CCBE1: variants seen among roughly 807,000 people sequenced by gnomAD.
CCBE1 encodes the protein collagen and calcium-binding EGF domain-containing protein 1.
CCBE1 carries 37 observed loss-of-function variants against 50.0 expected under a neutral mutation model. The ratio of observed to expected loss-of-function variants is 0.74; its 90% CI spans 0.57 to 0.97. The LOEUF is 0.97. Among genes scored for constraint, CCBE1 ranks in the 50% least tolerant of loss-of-function variants. The pLI, the probability that CCBE1 is intolerant of heterozygous loss-of-function variation, is 0.00. For synonymous variants in CCBE1, 234 were observed against 203.7 expected, an observed-to-expected ratio of 1.15 and a Z score of -1.27; for missense variants, 538 against 523.8, an observed-to-expected ratio of 1.03 and a Z score of -0.26.
intron 7 of CCBE1, among the ~76,000 whole-genome samples, chr18:59,442,258 T>C (rs1209342243): frequency 1.3e-5 from 2 of 152,136 alleles, no homozygotes; most frequent in Non-Finnish European, 2.9e-5. Flanking sequence ...TTAAACTCGG[T>C]ATAGTCTCAG....
chr18:59,508,575 CAA>C (rs1913987194), intron 2 of CCBE1, among the ~76,000 whole-genome samples: 14 of 151,066 alleles, frequency 9.3e-5, no homozygotes, highest in Admixed American at 9.2e-4. Context: ...CTAGCCTGGG[CAA>C]AAGAGTGAGA....
At chr18:59,632,843 G>A (rs575609937) in intron 2 of CCBE1, among the ~76,000 whole-genome samples, 4 of 151,982 alleles carry the variant, frequency 2.6e-5, no homozygotes, top group Non-Finnish European at 1.5e-5. Flanking sequence ...TCCTGACCTC[G>A]GGTGATCCAC....
At chr18:59,591,321 C>T (rs562496511) in intron 2 of CCBE1, among the ~76,000 whole-genome samples, 1 of 134,776 alleles carries the variant, frequency 7.4e-6, no homozygotes, top group African/African-American at 2.6e-5. Context: ...CCAGATGCAA[C>T]TGTTAAAAAG....
intron 2 of CCBE1, among the ~76,000 whole-genome samples, chr18:59,497,990 G>T (rs144108216): frequency 4.8e-4 from 73 of 152,314 alleles, no homozygotes; most frequent in African/African-American, 1.6e-3. Flanking sequence ...ATAGGGTCTG[G>T]AGAGACCAGA....
At chr18:59,542,558 G>A (rs1915511149) in intron 2 of CCBE1, among the ~76,000 whole-genome samples, 1 of 152,194 alleles carries the variant, frequency 6.6e-6, no homozygotes, top group Non-Finnish European at 1.5e-5. Context: ...TGATAAGAAA[G>A]TCATCCTTAA....
intron 2 of CCBE1, among the ~76,000 whole-genome samples, chr18:59,601,636 G>C (rs1446355104): frequency 1.3e-5 from 2 of 152,282 alleles, no homozygotes; most frequent in East Asian, 3.9e-4. Flanking sequence ...GAGCTCAAGT[G>C]AACCACCCAC....
intron 2 of CCBE1, among the ~76,000 whole-genome samples, chr18:59,654,597 C>A (rs147397983): frequency 0.026 from 3,893 of 152,120 alleles, 181 homozygotes; most frequent in African/African-American, 0.089. Flanking sequence ...GTACTCCAGC[C>A]TGGGTGACAG....
At chr18:59,591,647 G>A (rs573234137) in intron 2 of CCBE1, among the ~76,000 whole-genome samples, 4 of 152,230 alleles carry the variant, frequency 2.6e-5, no homozygotes, top group South Asian at 2.1e-4. Context: ...GAAAGAGCTC[G>A]AAAACACTCT....
At chr18:59,526,476 A>G (rs1202404107) in intron 2 of CCBE1, among the ~76,000 whole-genome samples, 2 of 151,488 alleles carry the variant, frequency 1.3e-5, no homozygotes, top group African/African-American at 4.9e-5. Flanking sequence ...TGCCTAGCTA[A>G]TTTTCTTTAT....
chr18:59,478,001 A>T (rs930622194), intron 3 of CCBE1, among the ~76,000 whole-genome samples: 15 of 152,152 alleles, frequency 9.9e-5, no homozygotes, highest in Admixed American at 9.2e-4. Context: ...TGAAATCAGT[A>T]GACTTTGAGT....
chr18:59,631,636 A>G (rs558052285), intron 2 of CCBE1, among the ~76,000 whole-genome samples: 1 of 152,364 alleles, frequency 6.6e-6, no homozygotes, highest in Non-Finnish European at 1.5e-5. Flanking sequence ...ATGTGAGAGC[A>G]GCATGGTTCA....
At chr18:59,656,888 T>C (rs1452980157) in intron 2 of CCBE1, among the ~76,000 whole-genome samples, 1 of 152,214 alleles carries the variant, frequency 6.6e-6, no homozygotes, top group Non-Finnish European at 1.5e-5. Flanking sequence ...CATTGTAATC[T>C]GCCATTAGCT....
chr18:59,464,701 G>A (rs1911659001), intron 5 of CCBE1, among the ~76,000 whole-genome samples: 1 of 152,226 alleles, frequency 6.6e-6, no homozygotes, highest in Non-Finnish European at 1.5e-5. Context: ...TTGCTTGTCA[G>A]AATTTCACTT....
chr18:59,448,162 T>C (rs758520552), intron 6 of CCBE1, 59 bp from the exon 7 acceptor site: 273 of 1,608,884 alleles, frequency 1.7e-4, no homozygotes, highest in Non-Finnish European at 2.2e-4. Context: ...GCCTCGGCAT[T>C]TGTCTTGGTG....
chr18:59,508,040 A>T (rs894492324), intron 2 of CCBE1, among the ~76,000 whole-genome samples: 7 of 151,780 alleles, frequency 4.6e-5, no homozygotes, highest in Non-Finnish European at 8.8e-5. Flanking sequence ...ACAGGGAAGC[A>T]AGCACCACAC....
At chr18:59,489,273 C>T (rs952793669) in intron 2 of CCBE1, among the ~76,000 whole-genome samples, 1 of 152,240 alleles carries the variant, frequency 6.6e-6, no homozygotes, top group Non-Finnish European at 1.5e-5. Flanking sequence ...ACAGTCCTCT[C>T]TATCTCCCTG....
chr18:59,518,491 T>C (rs551038908), intron 2 of CCBE1, among the ~76,000 whole-genome samples: 1 of 152,312 alleles, frequency 6.6e-6, no homozygotes, highest in South Asian at 2.1e-4. Context: ...AATCAATTGT[T>C]TGTTAATGGA....
chr18:59,486,432 G>A (rs767366000), intron 2 of CCBE1, among the ~76,000 whole-genome samples: 2 of 152,118 alleles, frequency 1.3e-5, no homozygotes, highest in South Asian at 2.1e-4. Context: ...TCAAGAGGCC[G>A]GAAAAGAAAT....
At position 59,654,368 on chromosome 18, in the gene CCBE1, G is replaced by A. The variant is rs529339654; in HGVS notation, c.212+42261C>T. Among the ~76,000 whole-genome samples, 17 of 152,338 alleles carry A rather than the reference G, an allele frequency of 1.1e-4. No individual in the cohort carries two copies. The East Asian group carries it at 1.9e-3, about 17-fold the overall frequency. ...AAAAACAGCCCAGAGAATCATGCCC[G>A]TAATCCTAGCACTTTGGGAGACCAA... On this transcript the variant is annotated intron_variant, in intron 2 of 10. Transcript: ENST00000439986.
Sources: gnomAD v4.1 joint callset for allele counts (sites outside exome capture counted in the v4.1 genomes callset) on GRCh38, gnomAD v4.1.1 for gene constraint, MANE v1.5 for transcripts, NCBI Gene and HGNC (gene_info 2026-07-23, HGNC 2026-07-21) for gene names.